The following KIFAP3 variants were observed in gnomAD, a reference collection of about 807,000 sequenced individuals.
KIFAP3 encodes kinesin-associated protein 3.
A neutral mutation model predicts 106.5 loss-of-function variants in KIFAP3; 68 were observed. That is an observed-to-expected ratio of 0.64 (90% CI 0.53 to 0.78). The LOEUF (loss-of-function observed/expected upper bound fraction) is 0.78, where lower values mean the gene tolerates loss of function less well. KIFAP3 is among the 30% of genes least tolerant of loss of function. KIFAP3 has a pLI of 0.00. For synonymous variants in KIFAP3, 320 were observed against 311.5 expected, an observed-to-expected ratio of 1.03 and a Z score of -0.29; for missense variants, 780 against 941.8, an observed-to-expected ratio of 0.83 and a Z score of 2.25.
At chr1:170,055,604 A>G (rs1169172106) in intron 1 of KIFAP3, among the ~76,000 whole-genome samples, 168 bp from the exon 2 acceptor site, 1 of 152,156 alleles carries the variant, frequency 6.6e-6, no homozygotes, top group Non-Finnish European at 1.5e-5. Flanking sequence ...TTATATACAT[A>G]TATATGTATA....
In KIFAP3 at chr1:169,939,115, T is replaced by C. The variant is rs1290136958; in HGVS notation, c.2273+14896A>G. On this transcript the variant is annotated intron_variant, in intron 19 of 19. Transcript: ENST00000361580. ...ACTTGAAAAAGATCATTATGGCTAC[T>C]GTGGAAAAAATGAAGCAGAAGGGAA... Among the ~76,000 whole-genome samples the C allele has an allele frequency of 2.0e-5, 3 of 152,118 alleles. No individual in the cohort carries two copies. The East Asian group carries it at 5.8e-4, about 29-fold the overall frequency.
chr1:170,013,280 C>A (rs937721215), intron 10 of KIFAP3, among the ~76,000 whole-genome samples: 45 of 151,968 alleles, frequency 3.0e-4, no homozygotes, highest in African/African-American at 1.0e-3. Context: ...TGATTAAACA[C>A]CCTTAATAAT....
chr1:170,044,849 C>CT (rs1670161960), intron 3 of KIFAP3, among the ~76,000 whole-genome samples: 1 of 152,164 alleles, frequency 6.6e-6, no homozygotes, highest in East Asian at 1.9e-4. Context: ...AGACAACAAT[C>CT]TGTTTGGAAG....
intron 16 of KIFAP3, among the ~76,000 whole-genome samples, chr1:169,973,591 A>C (rs544164555): frequency 7.3e-5 from 11 of 151,336 alleles, no homozygotes; most frequent in Non-Finnish European, 1.3e-4. Flanking sequence ...GTTACTTATA[A>C]GGAAAAGGAA....
At position 170,074,613 on chromosome 1, in the gene KIFAP3, T is replaced by C. The variant is rs1456350070; in HGVS notation, c.-146A>G. On this transcript the variant is annotated 5_prime_UTR_variant, in exon 1 of 20. Transcript: ENST00000361580. ...AGGCGGGGCAGCAGCGGCGCTGTGG[T>C]TACCACGGTGAAGCCTCCAGCTCCT... The C allele has an allele frequency of 6.6e-7, 1 of 1,514,286 alleles. No individual in the cohort carries two copies. Among genetic ancestry groups the C allele is most frequent in the Non-Finnish European group, 8.9e-7 (1 of 1,127,960 alleles). The allele number at this position is 1,514,286 out of a possible 1,614,324, so 93.8% of individuals were successfully genotyped here. A position where few individuals can be genotyped will look rare whatever the true frequency, so the allele number is the denominator to read the frequency against.
chr1:170,058,684 A>G (rs1415810227), intron 1 of KIFAP3, among the ~76,000 whole-genome samples: 1 of 152,088 alleles, frequency 6.6e-6, no homozygotes, highest in Non-Finnish European at 1.5e-5. Context: ...ATACCTCCAT[A>G]ACATTTTTTT....
chr1:169,986,135 G>A (rs998187766), intron 11 of KIFAP3, among the ~76,000 whole-genome samples: 27 of 151,570 alleles, frequency 1.8e-4, no homozygotes, highest in African/African-American at 2.9e-4. Flanking sequence ...CCAACACAGC[G>A]AATAATAAAT....
At chr1:170,075,812 G>T (rs1310878994), upstream of KIFAP3, among the ~76,000 whole-genome samples, 1 of 152,108 alleles carries the variant, frequency 6.6e-6, no homozygotes, top group Non-Finnish European at 1.5e-5. Flanking sequence ...CTTCCTTCAA[G>T]ATATTCAGGT....
chr1:169,952,055 A>G (rs950343557), intron 19 of KIFAP3, among the ~76,000 whole-genome samples: 1 of 152,008 alleles, frequency 6.6e-6, no homozygotes, highest in African/African-American at 2.4e-5. Flanking sequence ...TATAGCTAAT[A>G]AAGCCAGAAG....
intron 17 of KIFAP3, among the ~76,000 whole-genome samples, chr1:169,971,328 A>G (rs905758333): frequency 1.1e-4 from 16 of 152,034 alleles, no homozygotes; most frequent in Non-Finnish European, 2.9e-5. Flanking sequence ...TGGCACTGTG[A>G]TCTATTAGAA....
intron 19 of KIFAP3, among the ~76,000 whole-genome samples, chr1:169,943,462 T>C (rs1184817635): frequency 6.6e-6 from 1 of 152,140 alleles, no homozygotes; most frequent in East Asian, 1.9e-4. Flanking sequence ...TCAATATCAT[T>C]ACACTCATAT....
intron 10 of KIFAP3, among the ~76,000 whole-genome samples, chr1:170,001,897 C>T (rs1212460484): frequency 1.3e-5 from 2 of 152,062 alleles, no homozygotes; most frequent in African/African-American, 4.8e-5. Context: ...TTTTTTCATT[C>T]TTTATGATGC....
intron 1 of KIFAP3, among the ~76,000 whole-genome samples, chr1:170,065,654 C>T (rs1393601512): frequency 6.8e-6 from 1 of 146,824 alleles, no homozygotes; most frequent in Non-Finnish European, 1.5e-5. Flanking sequence ...TATTGGTAAT[C>T]TCTGCCTTTC....
rs1662813425 is a variant in KIFAP3 at position 169,921,373 on chromosome 1, TTAACA to T, written c.*298_*302del. The T allele has an allele frequency of 5.1e-6, 1 of 194,792 alleles. No homozygotes were observed. 12.1% of individuals were successfully genotyped at this position (194,792 alleles called of 1,614,324 possible). On this transcript the variant is annotated 3_prime_UTR_variant, in exon 20 of 20. Transcript: ENST00000361580. ...TTTTAATTGAAATTAAATTAGTCAC[TTAACA>T]TACATAATGCAGTGTTTGTTTTCCA...
At chr1:169,944,819 T>C (rs1571536469) in intron 19 of KIFAP3, among the ~76,000 whole-genome samples, 1 of 150,246 alleles carries the variant, frequency 6.7e-6, no homozygotes, top group African/African-American at 2.5e-5. Flanking sequence ...GAGCCTGGGG[T>C]TTTTCTAGGC....
At chr1:169,995,943 G>A (rs1262851594) in intron 10 of KIFAP3, among the ~76,000 whole-genome samples, 1 of 151,850 alleles carries the variant, frequency 6.6e-6, no homozygotes, top group African/African-American at 2.4e-5. Flanking sequence ...AGCTTCCAAA[G>A]GCAAACTCAG....
At chr1:170,007,470 G>T (rs982636840) in intron 10 of KIFAP3, among the ~76,000 whole-genome samples, 2 of 151,864 alleles carry the variant, frequency 1.3e-5, no homozygotes, top group Admixed American at 1.3e-4. Flanking sequence ...GAAATAACAT[G>T]GTAACTAGAA....
At chr1:170,078,167 G>A (rs76712277), upstream of KIFAP3, among the ~76,000 whole-genome samples, 3,687 of 151,770 alleles carry the variant, frequency 0.024, 133 homozygotes, top group African/African-American at 0.072. Context: ...TACCAACAAT[G>A]TATGAGTTCA....
rs557765058 is a variant in KIFAP3, at chr1:169,976,952, T to A, written c.1897+1133A>T. Among the ~76,000 whole-genome samples the A allele has an allele frequency of 9.2e-5, 14 of 152,254 alleles. No individual in the cohort carries two copies. In the South Asian group the frequency reaches 1.2e-3, roughly 14 times the overall value. On this transcript the variant is annotated intron_variant, in intron 16 of 19. Coordinates refer to ENST00000361580, the MANE Select transcript of KIFAP3 (RefSeq NM_014970.4). ...GTAGCCCAGGCTGGTCTCAAACACCTGAGCTCAAGTGATGCTCCCACCTCA... is the reference window on the plus strand; with the variant it reads ...GTAGCCCAGGCTGGTCTCAAACACCAGAGCTCAAGTGATGCTCCCACCTCA...
Sources: gnomAD v4.1 joint callset for allele counts (sites outside exome capture counted in the v4.1 genomes callset) on GRCh38, gnomAD v4.1.1 for gene constraint, MANE v1.5 for transcripts, NCBI Gene and HGNC (gene_info 2026-07-23, HGNC 2026-07-21) for gene names.